The following GNG2 variants were observed in gnomAD, a reference collection of about 807,000 sequenced individuals.
GNG2 encodes G protein subunit gamma 2, also known as guanine nucleotide-binding protein G(I)/G(S)/G(O) subunit gamma-2.
In GNG2, 5 loss-of-function variants were observed where a neutral mutation model predicts 5.5. That is an observed-to-expected ratio of 0.91 (90% CI 0.48 to 1.92). The LOEUF (loss-of-function observed/expected upper bound fraction) is 1.92. Among genes scored for constraint, GNG2 ranks in the 30% most tolerant of loss-of-function variants. The probability of loss-of-function intolerance (pLI) is 0.01; values close to 1 mark genes in which losing one functional copy is unlikely to be tolerated. For synonymous variants in GNG2, 28 were observed against 32.0 expected (o/e 0.88, Z 0.42); for missense variants, 55 against 88.4 (o/e 0.62, Z 1.52).
At chr14:51,835,574 T>C (rs1333905129) in intron 2 of GNG2, among the ~76,000 whole-genome samples, 1 of 152,172 alleles carries the variant, frequency 6.6e-6, no homozygotes, top group Non-Finnish European at 1.5e-5. Flanking sequence ...AACCCACTCC[T>C]GAATCCCATG....
intron 3 of GNG2, among the ~76,000 whole-genome samples, chr14:51,964,099 G>A (rs1371383256): frequency 6.6e-6 from 1 of 152,158 alleles, no homozygotes; most frequent in Non-Finnish European, 1.5e-5. Context: ...CACACAGAGA[G>A]GAGAATGCCA....
At chr14:51,917,142 T>C (rs1269878045) in intron 2 of GNG2, among the ~76,000 whole-genome samples, 2 of 152,192 alleles carry the variant, frequency 1.3e-5, no homozygotes, top group African/African-American at 4.8e-5. Flanking sequence ...TGGTAGCCCT[T>C]AGGCATGTAA....
chr14:51,862,304 G>A (rs1411780000), intron 1 of GNG2, among the ~76,000 whole-genome samples: 1 of 152,168 alleles, frequency 6.6e-6, no homozygotes, highest in Non-Finnish European at 1.5e-5. Context: ...ACTCCTTGAA[G>A]GATTCACTGA....
At chr14:51,835,960 C>T (rs1881317571) in intron 2 of GNG2, among the ~76,000 whole-genome samples, 1 of 151,208 alleles carries the variant, frequency 6.6e-6, no homozygotes, top group Non-Finnish European at 1.5e-5. Context: ...TGTCTTAGTT[C>T]GGGATGCTAT....
intron 2 of GNG2, among the ~76,000 whole-genome samples, chr14:51,889,622 T>G (rs1316893735): frequency 6.6e-6 from 1 of 152,214 alleles, no homozygotes; most frequent in Non-Finnish European, 1.5e-5. Flanking sequence ...TAATTTAATT[T>G]CCCTTTTTTT....
chr14:51,926,093 T>G (rs1887301945), intron 2 of GNG2, among the ~76,000 whole-genome samples: 1 of 151,890 alleles, frequency 6.6e-6, no homozygotes, highest in East Asian at 1.9e-4. Context: ...CTAGAGACAT[T>G]GAGACGGTAA....
intron 2 of GNG2, among the ~76,000 whole-genome samples, chr14:51,950,264 G>A (rs1018710094): frequency 5.9e-5 from 9 of 152,144 alleles, no homozygotes; most frequent in Non-Finnish European, 1.3e-4. Context: ...GGGGAGGAAT[G>A]GCTATTTACA....
chr14:51,959,080 C>T (rs1283637146), intron 3 of GNG2, among the ~76,000 whole-genome samples: 1 of 152,136 alleles, frequency 6.6e-6, no homozygotes, highest in Non-Finnish European at 1.5e-5. Flanking sequence ...CTTTCACAGG[C>T]TACTCCTTTT....
intron 3 of GNG2, among the ~76,000 whole-genome samples, chr14:51,954,145 C>T (rs1240131872): frequency 6.6e-6 from 1 of 152,076 alleles, no homozygotes; most frequent in African/African-American, 2.4e-5. Context: ...TTTTTTAAGC[C>T]TTCTTGTTTT....
intron 2 of GNG2, among the ~76,000 whole-genome samples, chr14:51,922,064 A>C (rs1887045403): frequency 1.3e-5 from 2 of 152,002 alleles, no homozygotes; most frequent in Admixed American, 1.3e-4. Flanking sequence ...TTTAATAAAG[A>C]ATGAACTAAT....
intron 1 of GNG2, among the ~76,000 whole-genome samples, chr14:51,866,723 A>G (rs1174509845): frequency 6.6e-6 from 1 of 152,238 alleles, no homozygotes; most frequent in Admixed American, 6.5e-5. Context: ...TTATAAGGGC[A>G]CTAATCCCAT....
chr14:51,934,917 C>T (rs1887886723), intron 2 of GNG2, among the ~76,000 whole-genome samples: 1 of 151,920 alleles, frequency 6.6e-6, no homozygotes, highest in African/African-American at 2.4e-5. Flanking sequence ...TTAGCAAATA[C>T]TATTCACACA....
intron 2 of GNG2, among the ~76,000 whole-genome samples, chr14:51,887,890 A>T (rs1884575993): frequency 6.6e-6 from 1 of 152,258 alleles, no homozygotes; most frequent in African/African-American, 2.4e-5. Flanking sequence ...TGTTGAAAAC[A>T]ACCATATGGA....
rs774247596 is a variant in GNG2, at chr14:51,968,793, A to T, written c.*2106A>T. On this transcript the variant is annotated 3_prime_UTR_variant, in exon 4 of 4. Coordinates refer to ENST00000556766, the MANE Select transcript of GNG2 (RefSeq NM_053064.5). The stretch of plus-strand genomic sequence containing the variant: ...GAAAACACGGATGAATGAATAAAAC[A>T]CTCTTTGGTGGTGACTGAGGCATCA... 6.6e-6 allele frequency: 1 copy of T among 151,984 alleles called. No individual in the cohort carries two copies. The highest frequency in any genetic ancestry group is 2.4e-5 in the African/African-American group (1 of 41,376). 9.4% of individuals were successfully genotyped at this position (151,984 alleles called of 1,614,324 possible).
chr14:51,946,625 T>G (rs996651015), intron 2 of GNG2, among the ~76,000 whole-genome samples: 2 of 152,112 alleles, frequency 1.3e-5, no homozygotes, highest in Non-Finnish European at 2.9e-5. Flanking sequence ...TCTTCCTCTC[T>G]CCTCCTCACC....
At chr14:51,935,452 C>A (rs888531714) in intron 2 of GNG2, among the ~76,000 whole-genome samples, 1 of 152,160 alleles carries the variant, frequency 6.6e-6, no homozygotes, top group African/African-American at 2.4e-5. Flanking sequence ...CATCCATTCT[C>A]CTAACAGAGT....
intron 3 of GNG2, among the ~76,000 whole-genome samples, chr14:51,952,760 G>C (rs1255814425): frequency 6.6e-6 from 1 of 152,146 alleles, no homozygotes; most frequent in South Asian, 2.1e-4. Flanking sequence ...ATTACTGACT[G>C]CAAGGGGCTC....
At chr14:51,962,764 TAGA>T (rs1295116824) in intron 3 of GNG2, among the ~76,000 whole-genome samples, 1 of 152,156 alleles carries the variant, frequency 6.6e-6, no homozygotes, top group Non-Finnish European at 1.5e-5. Flanking sequence ...CATACGAATG[TAGA>T]AGAAGCTGTG....
At chr14:51,928,382 T>C (rs1279557650) in intron 2 of GNG2, among the ~76,000 whole-genome samples, 1 of 152,192 alleles carries the variant, frequency 6.6e-6, no homozygotes, top group Non-Finnish European at 1.5e-5. Context: ...TATTTTCTTC[T>C]GGCTGACAAG....
Sources: gnomAD v4.1 joint callset for allele counts (sites outside exome capture counted in the v4.1 genomes callset) on GRCh38, gnomAD v4.1.1 for gene constraint, MANE v1.5 for transcripts, NCBI Gene and HGNC (gene_info 2026-07-23, HGNC 2026-07-21) for gene names.